The following TTC27 variants were observed in gnomAD, a reference collection of about 807,000 sequenced individuals.
The protein encoded by TTC27 is tetratricopeptide repeat protein 27.
In TTC27, 79 loss-of-function variants were observed where a neutral mutation model predicts 115.9. The observed-to-expected ratio is 0.68, with a 90% CI of 0.57 to 0.82. The LOEUF (loss-of-function observed/expected upper bound fraction) is 0.82, where lower values mean the gene tolerates loss of function less well. Ranked by LOEUF, TTC27 falls within the 40% of genes least tolerant of loss-of-function variation. The pLI, the probability that TTC27 is intolerant of heterozygous loss-of-function variation, is 0.00. For missense variants in TTC27, 1,054 were observed against 993.1 expected, an observed-to-expected ratio of 1.06 and a Z score of -0.82; for synonymous variants, 401 against 356.0, an observed-to-expected ratio of 1.13 and a Z score of -1.42.
intron 9 of TTC27, among the ~76,000 whole-genome samples, chr2:32,682,199 G>A (rs1666455490): frequency 6.6e-6 from 1 of 152,026 alleles, no homozygotes; most frequent in South Asian, 2.1e-4. Context: ...CCCTGGAATA[G>A]GGTTGATGTC....
chr2:32,643,482 ACTTTT>A (rs1559184008), intron 4 of TTC27, among the ~76,000 whole-genome samples: 1 of 151,356 alleles, frequency 6.6e-6, no homozygotes, highest in East Asian at 2.0e-4. Context: ...ATTTTTTTGT[ACTTTT>A]AGTAGAAATG....
At chr2:32,754,929 T>C (rs1669163696) in intron 12 of TTC27, among the ~76,000 whole-genome samples, 1 of 148,888 alleles carries the variant, frequency 6.7e-6, no homozygotes, top group African/African-American at 2.5e-5. Context: ...GGGATGCTCC[T>C]CACTTCCCAG....
At chr2:32,720,327 G>A (rs772920324) in intron 10 of TTC27, among the ~76,000 whole-genome samples, 19 of 152,156 alleles carry the variant, frequency 1.2e-4, no homozygotes, top group Non-Finnish European at 2.2e-4. Context: ...AACACTCAAT[G>A]GATGTTTGCT....
At chr2:32,708,456 C>T (rs541702442) in intron 10 of TTC27, among the ~76,000 whole-genome samples, 151 of 151,180 alleles carry the variant, frequency 1.0e-3, no homozygotes, top group Non-Finnish European at 1.5e-3. Context: ...GGACTACAGG[C>T]GTGTGCCACC....
intron 17 of TTC27, 40 bp from the exon 18 acceptor site, chr2:32,812,464 C>A: frequency 1.4e-6 from 2 of 1,434,648 alleles, no homozygotes; most frequent in South Asian, 1.2e-5. Flanking sequence ...AATGTGAATT[C>A]TACTTGTTAT....
chr2:32,632,798 T>C (rs1182919444), intron 2 of TTC27, among the ~76,000 whole-genome samples: 2 of 152,184 alleles, frequency 1.3e-5, no homozygotes, highest in Non-Finnish European at 2.9e-5. Context: ...TGTTATTTGC[T>C]AGAGTTGGAT....
At chr2:32,662,744 T>G (rs1665598511) in intron 5 of TTC27, among the ~76,000 whole-genome samples, 1 of 152,152 alleles carries the variant, frequency 6.6e-6, no homozygotes, top group African/African-American at 2.4e-5. Context: ...TGTTTATTTT[T>G]TTTTGGAAGG....
chr2:32,670,745 G>A (rs1665984490), intron 7 of TTC27, among the ~76,000 whole-genome samples: 1 of 152,036 alleles, frequency 6.6e-6, no homozygotes, highest in Non-Finnish European at 1.5e-5. Context: ...AGCCTCCCGA[G>A]TAGCTGGGAG....
chr2:32,764,934 T>C (rs1250227608), intron 13 of TTC27, among the ~76,000 whole-genome samples: 3 of 152,208 alleles, frequency 2.0e-5, no homozygotes, highest in Non-Finnish European at 4.4e-5. Context: ...CTAATTATAG[T>C]TCTGTATTTC....
At chr2:32,645,223 T>G (rs915081006) in intron 4 of TTC27, among the ~76,000 whole-genome samples, 1 of 152,176 alleles carries the variant, frequency 6.6e-6, no homozygotes, top group African/African-American at 2.4e-5. Context: ...GTATATAGAC[T>G]AGAATTGGTA....
chr2:32,650,009 T>G (rs929423017), intron 4 of TTC27, 122 bp from the exon 5 acceptor site: 41 of 746,242 alleles, frequency 5.5e-5, no homozygotes, highest in Non-Finnish European at 2.2e-6. Flanking sequence ...AGTGGATGGG[T>G]AATCTTATTG....
At chr2:32,780,290 C>T (rs953305587) in intron 14 of TTC27, among the ~76,000 whole-genome samples, 1 of 152,096 alleles carries the variant, frequency 6.6e-6, no homozygotes, top group African/African-American at 2.4e-5. Context: ...GATCCATGAA[C>T]ATGGAATGTC....
intron 12 of TTC27, 109 bp from the exon 13 acceptor site, chr2:32,758,183 C>A: frequency 2.1e-6 from 2 of 966,906 alleles, no homozygotes; most frequent in East Asian, 2.6e-5. Flanking sequence ...AAATCTCAAA[C>A]GTTGAAAATA....
chr2:32,678,618 A>G (rs190924233), intron 8 of TTC27, among the ~76,000 whole-genome samples: 10,166 of 151,874 alleles, frequency 0.067, 400 homozygotes, highest in East Asian at 0.13. Context: ...TAGTAGAGAC[A>G]GGGTTTCACC....
intron 10 of TTC27, among the ~76,000 whole-genome samples, chr2:32,708,784 G>A (rs1667473209): frequency 6.6e-6 from 1 of 152,022 alleles, no homozygotes. Context: ...AGGGGGATGA[G>A]GAAGGGGCTT....
At chr2:32,756,853 C>G (rs1401293531) in intron 12 of TTC27, among the ~76,000 whole-genome samples, 1 of 152,168 alleles carries the variant, frequency 6.6e-6, no homozygotes, top group Admixed American at 6.5e-5. Flanking sequence ...TACTGTGCTT[C>G]TTGGTCTATG....
intron 3 of TTC27, among the ~76,000 whole-genome samples, chr2:32,634,934 G>A (rs1664356147): frequency 6.6e-6 from 1 of 152,188 alleles, no homozygotes; most frequent in Non-Finnish European, 1.5e-5. Flanking sequence ...TGGGTTTACA[G>A]GCGTGAGCCA....
chr2:32,775,349 C>T (rs767633099), intron 13 of TTC27, among the ~76,000 whole-genome samples: 1 of 152,132 alleles, frequency 6.6e-6, no homozygotes, highest in African/African-American at 2.4e-5. Flanking sequence ...AGGCGCCCAC[C>T]ACCACGCCCG....
chr2:32,808,325 A>G (rs1572632591), intron 16 of TTC27, among the ~76,000 whole-genome samples: 1 of 152,204 alleles, frequency 6.6e-6, no homozygotes, highest in South Asian at 2.1e-4. Context: ...AATATCTGCC[A>G]TGACCCTCAA....
Sources: allele counts gnomAD v4.1 joint callset (sites outside exome capture counted in the v4.1 genomes callset), GRCh38; gene constraint gnomAD v4.1.1; transcripts MANE v1.5; gene names NCBI Gene and HGNC (gene_info 2026-07-23, HGNC 2026-07-21).